The following KMT2E variants were observed in gnomAD, a reference collection of about 807,000 sequenced individuals.
KMT2E encodes lysine methyltransferase 2E (inactive).
KMT2E carries 30 observed loss-of-function variants against 184.6 expected under a neutral mutation model. The ratio of observed to expected loss-of-function variants is 0.16; its 90% CI spans 0.12 to 0.22. The LOEUF is 0.22. Among genes scored for constraint, KMT2E ranks in the 10% least tolerant of loss-of-function variants. The probability of loss-of-function intolerance (pLI) is 1.00; values close to 1 mark genes in which losing one functional copy is unlikely to be tolerated. For missense variants in KMT2E, 2,023 were observed against 2,237.4 expected, an observed-to-expected ratio of 0.90 and a Z score of 1.93; for synonymous variants, 815 against 776.5, an observed-to-expected ratio of 1.05 and a Z score of -0.82.
At chr7:105,108,550 G>A (rs1238695480) in intron 22 of KMT2E, 1 of 456,428 alleles carries the variant, frequency 2.2e-6, no homozygotes, top group South Asian at 1.6e-5. Context: ...ACAGAGTCCA[G>A]TTGGCAACTT....
chr7:105,095,605 A>G (rs528533503), intron 15 of KMT2E, among the ~76,000 whole-genome samples: 23 of 152,072 alleles, frequency 1.5e-4, no homozygotes, highest in Non-Finnish European at 3.1e-4. Flanking sequence ...TTTTATGAAC[A>G]TTTTCTTTTT....
rs565715501 is a variant in KMT2E at position 105,079,435 on chromosome 7, C to T, written c.1248+472C>T. Among the ~76,000 whole-genome samples, 33 of 150,054 alleles carry T rather than the reference C, an allele frequency of 2.2e-4. No homozygotes were observed. The South Asian group carries it at 5.9e-3, about 27-fold the overall frequency. ...ACGAGTGTAAGCCACCATGCCTGGCCGCTATGAAGTCTTAAAAATTACTTT... is the reference window on the plus strand; with the variant it reads ...ACGAGTGTAAGCCACCATGCCTGGCTGCTATGAAGTCTTAAAAATTACTTT... On this transcript the variant is annotated intron_variant, in intron 12 of 26. Coordinates refer to ENST00000311117, the MANE Select transcript of KMT2E (RefSeq NM_182931.3).
intron 25 of KMT2E, 61 bp downstream of exon 25, chr7:105,110,663 C>T (rs1447452510): frequency 5.0e-6 from 8 of 1,606,006 alleles, no homozygotes; most frequent in Non-Finnish European, 6.8e-6. Context: ...GACAAGAGAG[C>T]CTTTATAAAA....
chr7:105,050,650 CTTTCTTTCTTTCTTT>C (rs376011252), intron 3 of KMT2E, among the ~76,000 whole-genome samples: 26 of 145,874 alleles, frequency 1.8e-4, no homozygotes, highest in African/African-American at 6.1e-4. Context: ...TTTCTTTTTT[CTTTCTTTCTTTCTTT>C]TTTCTTTCTT....
chr7:105,042,745 A>G (rs1463753352), intron 3 of KMT2E, among the ~76,000 whole-genome samples: 1 of 152,228 alleles, frequency 6.6e-6, no homozygotes, highest in East Asian at 1.9e-4. Context: ...TAAATTTCTT[A>G]CGTATTTTCA....
intron 3 of KMT2E, among the ~76,000 whole-genome samples, chr7:105,059,126 G>C (rs1477021644): frequency 6.6e-6 from 1 of 152,132 alleles, no homozygotes; most frequent in Non-Finnish European, 1.5e-5. Context: ...ATAACACTTA[G>C]AAATGTAACA....
At chr7:105,089,415 TCTCAAGTGATCTGCCCGCCTTGGC>T (rs548620689) in intron 13 of KMT2E, 1 of 247,868 alleles carries the variant, frequency 4.0e-6, no homozygotes, top group South Asian at 3.5e-5. Flanking sequence ...GCCAGGCTGG[TCTCAAGTGATCTGCCCGCCTTGGC>T]CTCCCAAAGT....
At chr7:105,079,889 A>G (rs1234639412) in intron 12 of KMT2E, among the ~76,000 whole-genome samples, 1 of 151,528 alleles carries the variant, frequency 6.6e-6, no homozygotes, top group Non-Finnish European at 1.5e-5. Context: ...GCTGGAGTGC[A>G]GAGGTGCAAT....
intron 12 of KMT2E, among the ~76,000 whole-genome samples, 162 bp downstream of exon 12, chr7:105,079,125 G>C (rs1293172567): frequency 6.6e-6 from 1 of 151,486 alleles, no homozygotes; most frequent in East Asian, 1.9e-4. Flanking sequence ...TGTGATAACT[G>C]GCTATGAAGT....
In KMT2E at chr7:105,090,209, T is replaced by C; in HGVS notation, c.1559T>C (p.Met520Thr). 1 of 1,609,878 alleles carries C rather than the reference T, an allele frequency of 6.2e-7. No homozygotes were observed. The highest frequency in any genetic ancestry group is 8.5e-7 in the Non-Finnish European group (1 of 1,179,166). ...GATTGTGAAGGAACGACCAACAAAA[T>C]GAAGAGCCCAGAAACTAAACAAAGA... ...TLDCEGTTNKMKSPETKQRKL... is the reference protein window; with the variant it reads ...TLDCEGTTNKTKSPETKQRKL... Residue 520 changes from methionine to threonine, a missense_variant, in exon 14 of 27, where the codon ATG (methionine) becomes ACG (threonine). Coordinates refer to ENST00000311117, the MANE Select transcript of KMT2E (RefSeq NM_182931.3).
chr7:105,089,978 G>C (rs1390296509), intron 13 of KMT2E, 31 bp from the exon 14 acceptor site: 2 of 1,586,024 alleles, frequency 1.3e-6, no homozygotes, highest in Non-Finnish European at 1.7e-6. Flanking sequence ...TTTATATTTT[G>C]AAATAAATAT....
intron 15 of KMT2E, among the ~76,000 whole-genome samples, chr7:105,100,920 T>G (rs917181980): frequency 2.6e-5 from 4 of 152,106 alleles, no homozygotes; most frequent in Non-Finnish European, 4.4e-5. Context: ...TTAACTTGCC[T>G]GGAGTCACAG....
chr7:105,082,733 A>T (rs1351729299), intron 13 of KMT2E, among the ~76,000 whole-genome samples: 1 of 152,038 alleles, frequency 6.6e-6, no homozygotes, highest in Non-Finnish European at 1.5e-5. Context: ...TTGCTTTCTC[A>T]TTTCTCTAAA....
At chr7:105,043,713 C>T (rs1341756970) in intron 3 of KMT2E, among the ~76,000 whole-genome samples, 1 of 152,122 alleles carries the variant, frequency 6.6e-6, no homozygotes, top group East Asian at 1.9e-4. Flanking sequence ...AGTGGTTGTT[C>T]TTCCTTTAAA....
At chr7:105,044,456 T>C (rs1378257052) in intron 3 of KMT2E, among the ~76,000 whole-genome samples, 4 of 152,186 alleles carry the variant, frequency 2.6e-5, no homozygotes, top group Non-Finnish European at 5.9e-5. Flanking sequence ...TTTACAGATA[T>C]GGGCACTGAG....
At chr7:105,029,919 G>C (rs1051580895) in intron 1 of KMT2E, among the ~76,000 whole-genome samples, 1 of 152,134 alleles carries the variant, frequency 6.6e-6, no homozygotes, top group African/African-American at 2.4e-5. Flanking sequence ...TTCATTTAAA[G>C]GAAGGAGGAG....
chr7:105,083,697 A>G (rs1028944091), intron 13 of KMT2E, among the ~76,000 whole-genome samples: 3 of 152,102 alleles, frequency 2.0e-5, no homozygotes, highest in African/African-American at 7.2e-5. Flanking sequence ...CTTCCTTACT[A>G]ATAAATGTCT....
At chr7:105,020,188 GT>G (rs1427675529) in intron 1 of KMT2E, among the ~76,000 whole-genome samples, 1 of 151,786 alleles carries the variant, frequency 6.6e-6, no homozygotes, top group Non-Finnish European at 1.5e-5. Flanking sequence ...AGATGATATT[GT>G]GTAATCACAC....
At chr7:105,053,397 GA>G (rs1260145338) in intron 3 of KMT2E, among the ~76,000 whole-genome samples, 1 of 152,084 alleles carries the variant, frequency 6.6e-6, no homozygotes, top group African/African-American at 2.4e-5. Context: ...TTTTTACTAT[GA>G]AATTTTTTGC....
Sources: allele counts gnomAD v4.1 joint callset (sites outside exome capture counted in the v4.1 genomes callset), GRCh38; gene constraint gnomAD v4.1.1; transcripts MANE v1.5; gene names NCBI Gene and HGNC (gene_info 2026-07-23, HGNC 2026-07-21).